BICRA: variants seen among roughly 807,000 people sequenced by gnomAD.
The protein encoded by BICRA is BRD4-interacting chromatin-remodeling complex-associated protein.
BICRA carries 31 observed loss-of-function variants against 96.9 expected under a neutral mutation model. That is an observed-to-expected ratio of 0.32 (90% CI 0.24 to 0.43). The LOEUF (loss-of-function observed/expected upper bound fraction) is 0.43. Among genes scored for constraint, BICRA ranks in the 20% least tolerant of loss-of-function variants. BICRA has a pLI of 1.00. For synonymous variants in BICRA, 1,350 were observed against 1,071.8 expected (o/e 1.26, Z -5.07); for missense variants, 2,283 against 2,190.3 (o/e 1.04, Z -0.84).
At position 47,695,079 on chromosome 19, in the gene BICRA, A is replaced by T; in HGVS notation, c.3075A>T (p.Thr1025=). 1 of 1,490,824 alleles carries T rather than the reference A, an allele frequency of 6.7e-7. No homozygotes were observed. The highest frequency in any genetic ancestry group is 8.9e-7 in the Non-Finnish European group (1 of 1,128,898). 92.3% of individuals were successfully genotyped at this position (1,490,824 alleles called of 1,614,324 possible). A position where few individuals can be genotyped will look rare whatever the true frequency, so the allele number is the denominator to read the frequency against. Residue 1025 remains threonine, a splice_region_variant and synonymous_variant, in exon 9 of 15, where the codon ACA becomes ACT. Coordinates refer to ENST00000594866, the MANE Select transcript of BICRA (RefSeq NM_001394372.1). ...HAPAPAPMAA[T]GLPPLLPAEN... ...CCGCCCCGGCACCCATGGCCGCCAC[A>T]GGTAGGAGAGAGGTCGCCTATGTGC...
Position 47,680,152 on chromosome 19 carries a change from G to A in BICRA, c.982G>A (p.Ala328Thr), listed in dbSNP as rs778556436. Residue 328 changes from alanine to threonine, a missense_variant, in exon 6 of 15, where the codon GCC (alanine) becomes ACC (threonine). Coordinates refer to ENST00000594866, the MANE Select transcript of BICRA (RefSeq NM_001394372.1). ...GTPSGQPLAV[A>T]PGLGSSPLVP... ...GCCCTCGGGACAGCCGCTGGCGGTG[G>A]CCCCAGGCCTCGGCTCGTCGCCACT... is the stretch of plus-strand genomic sequence containing the variant. 1 of 1,525,074 alleles carries A rather than the reference G, an allele frequency of 6.6e-7. No individual in the cohort carries two copies. The highest frequency in any genetic ancestry group is 1.2e-5 in the South Asian group (1 of 81,628). The allele number at this position is 1,525,074 out of a possible 1,614,324, so 94.5% of individuals were successfully genotyped here.
chr19:47,666,505 GACCTCAGTTGATC>G (rs1476846887), intron 1 of BICRA, among the ~76,000 whole-genome samples: 1 of 152,018 alleles, frequency 6.6e-6, no homozygotes, highest in Non-Finnish European at 1.5e-5. Context: ...TTGAACTCCT[GACCTCAGTTGATC>G]CTCCCACCCC....
intron 1 of BICRA, among the ~76,000 whole-genome samples, chr19:47,639,319 ATTTTTTTTTTTT>A (rs35509834): frequency 5.7e-5 from 3 of 52,368 alleles, no homozygotes; most frequent in African/African-American, 1.7e-4. Flanking sequence ...CCCACCCTGC[ATTTTTTTTTTTT>A]TTTTTTTTTT....
rs1445452379 is a variant in BICRA, at chr19:47,679,505, A to G, written c.335A>G (p.Asn112Ser). Residue 112 changes from asparagine to serine, a missense_variant, in exon 6 of 15, where the codon AAC (asparagine) becomes AGC (serine). Coordinates refer to ENST00000594866, the MANE Select transcript of BICRA (RefSeq NM_001394372.1). ...DILQQSLQEA[N>S]ITEQTLEAEA... The stretch of plus-strand genomic sequence containing the variant: ...CTCCAGCAGAGCCTCCAAGAGGCCA[A>G]CATCACGGAGCAGACGCTGGAGGCC... 7 of 1,546,690 alleles carry G rather than the reference A, an allele frequency of 4.5e-6. No individual in the cohort carries two copies. The highest frequency in any genetic ancestry group is 1.4e-5 in the African/African-American group (1 of 72,702).
chr19:47,661,082 G>T (rs1050415061), intron 1 of BICRA, among the ~76,000 whole-genome samples: 13 of 152,040 alleles, frequency 8.6e-5, no homozygotes, highest in Admixed American at 6.6e-5. Flanking sequence ...GGGCGTGGTT[G>T]TGGCGCCTGT....
At chr19:47,696,832 G>T (rs1444416654) in intron 11 of BICRA, among the ~76,000 whole-genome samples, 2 of 152,018 alleles carry the variant, frequency 1.3e-5, no homozygotes, top group East Asian at 3.9e-4. Context: ...AGCCCCACTG[G>T]GTGGGTGAAG....
At position 47,702,170 on chromosome 19, in the gene BICRA, C is replaced by T. The variant is rs2123618134; in HGVS notation, c.4438C>T (p.Pro1480Ser). 3 of 1,575,712 alleles carry T rather than the reference C, an allele frequency of 1.9e-6. No homozygotes were observed. Among genetic ancestry groups the T allele is most frequent in the Non-Finnish European group, 1.7e-6 (2 of 1,168,088 alleles). ...TGCCAAGCGGCGCAAGTCCGAGTCG[C>T]CCGACGTGGACCAGGCCAGCTTCTC... ...PPAKRRKSES[P>S]DVDQASFSSD... is the part of the protein sequence containing the mutation. Residue 1480 changes from proline (P) to serine (S), a missense_variant, in exon 15 of 15, where the codon CCC becomes TCC. Coordinates refer to ENST00000594866, the MANE Select transcript of BICRA (RefSeq NM_001394372.1).
intron 1 of BICRA, among the ~76,000 whole-genome samples, chr19:47,609,485 C>A (rs1051109512): frequency 4.0e-5 from 6 of 150,874 alleles, no homozygotes; most frequent in East Asian, 2.0e-4. Context: ...GGACCCCCCC[C>A]CAACCGGCTT....
chr19:47,630,731 G>A (rs1211415275), intron 1 of BICRA, among the ~76,000 whole-genome samples: 1 of 152,140 alleles, frequency 6.6e-6, no homozygotes, highest in Non-Finnish European at 1.5e-5. Flanking sequence ...TAGGCTCTAA[G>A]TATCTGTTTG....
intron 1 of BICRA, among the ~76,000 whole-genome samples, chr19:47,647,336 G>A (rs145521203): frequency 7.2e-5 from 11 of 152,238 alleles, no homozygotes; most frequent in Non-Finnish European, 1.0e-4. Context: ...CAGGGTAACT[G>A]TGTGTTAACC....
chr19:47,663,248 T>TGGG (rs1374844538), intron 1 of BICRA: 1 of 152,066 alleles, frequency 6.6e-6, no homozygotes, highest in African/African-American at 2.4e-5. Context: ...ATTAGCCGGG[T>TGGG]GTGGTGGCAC....
chr19:47,636,227 G>A (rs1972299047), intron 1 of BICRA, among the ~76,000 whole-genome samples: 1 of 152,158 alleles, frequency 6.6e-6, no homozygotes, highest in Non-Finnish European at 1.5e-5. Flanking sequence ...ATTATTTTGA[G>A]ACAGAGCGTT....
chr19:47,685,786 TGCGCGC>T (rs67811590), intron 7 of BICRA, among the ~76,000 whole-genome samples: 1,407 of 117,826 alleles, frequency 0.012, 20 homozygotes, highest in South Asian at 0.027. Context: ...TGTGTGTGTG[TGCGCGC>T]GCGCGCGCAT....
At chr19:47,609,214 C>G (rs903192717) in intron 1 of BICRA, 46 bp downstream of exon 1, 3 of 150,606 alleles carry the variant, frequency 2.0e-5, no homozygotes, top group African/African-American at 4.9e-5. Flanking sequence ...TCTCTTAACT[C>G]TCTCTACCTG....
rs1048880107 is a variant in BICRA at position 47,610,657 on chromosome 19, G to C, written c.-108+1489G>C. 2.0e-5 allele frequency among the ~76,000 whole-genome samples: 3 copies of C among 149,296 alleles called. No homozygotes were observed. In the South Asian group the frequency reaches 6.3e-4, roughly 32 times the overall value. On this transcript the variant is annotated intron_variant, in intron 1 of 14. Transcript: ENST00000594866. Reference sequence around the variant, plus strand: ...CCTACCCACCCCATAGTATAATACAGATCTAGGGGTGCCTTTCTCTTACAC... The same window carrying C: ...CCTACCCACCCCATAGTATAATACACATCTAGGGGTGCCTTTCTCTTACAC...
rs771880108 is a variant in BICRA, at chr19:47,694,402, G to A, written c.2571G>A (p.Pro857=). Residue 857 remains proline (P), a synonymous_variant, in exon 8 of 15, where the codon CCG becomes CCA. Coordinates refer to ENST00000594866, the MANE Select transcript of BICRA (RefSeq NM_001394372.1). ...ACCCGGCCCCTACTGCCCCAGGCCCGCCGCAGCCGCCTCTCCGCCCCCAGT... is the reference window on the plus strand; with the variant it reads ...ACCCGGCCCCTACTGCCCCAGGCCCACCGCAGCCGCCTCTCCGCCCCCAGT... The part of the protein sequence containing the change: ...ASNPAPTAPG[P]PQPPLRPQSQ... 2.7e-5 allele frequency: 22 copies of A among 809,400 alleles called. No individual in the cohort carries two copies. Among genetic ancestry groups the A allele is most frequent in the African/African-American group, 1.3e-4 (6 of 46,340 alleles). The allele number at this position is 809,400 out of a possible 1,614,324, so 50.1% of individuals were successfully genotyped here. A position where few individuals can be genotyped will look rare whatever the true frequency, so the allele number is the denominator to read the frequency against.
rs565493914 is a variant in BICRA, at chr19:47,680,472, G to C, written c.1302G>C (p.Ala434=). The C allele has an allele frequency of 1.4e-4, 213 of 1,540,618 alleles. No individual in the cohort carries two copies. The highest frequency in any genetic ancestry group is 9.9e-5 in the Admixed American group (5 of 50,690). ...AGCCACCGGCCACCACCACCGGAGC[G>C]GCCCCGCCGCAGCCCCCCGGGGCCC... The part of the protein sequence containing the change: ...FKQPPATTTG[A]APPQPPGALS... Residue 434 remains alanine (A), a synonymous_variant, in exon 6 of 15, where the codon GCG becomes GCC. Transcript: ENST00000594866.
intron 1 of BICRA, among the ~76,000 whole-genome samples, 188 bp downstream of exon 1, chr19:47,609,356 G>A (rs919566926): frequency 6.7e-6 from 1 of 148,294 alleles, no homozygotes; most frequent in Non-Finnish European, 1.5e-5. Flanking sequence ...CCCCAGCCGG[G>A]GCGCAGCGCC....
At chr19:47,623,913 G>A (rs1033599698) in intron 1 of BICRA, among the ~76,000 whole-genome samples, 7 of 150,834 alleles carry the variant, frequency 4.6e-5, no homozygotes, top group African/African-American at 9.8e-5. Flanking sequence ...GTGCAGTGGC[G>A]CGATCTTGGC....
Sources: gnomAD v4.1 joint callset for allele counts (sites outside exome capture counted in the v4.1 genomes callset) on GRCh38, gnomAD v4.1.1 for gene constraint, MANE v1.5 for transcripts, NCBI Gene and HGNC (gene_info 2026-07-23, HGNC 2026-07-21) for gene names.